The following DGKB variants were observed in gnomAD, a reference collection of about 807,000 sequenced individuals.
DGKB encodes the protein 90 kDa diacylglycerol kinase.
Under a neutral mutation model 114.3 loss-of-function variants are expected in DGKB, and 67 were observed. That is an observed-to-expected ratio of 0.59 (90% CI 0.48 to 0.72). The LOEUF (loss-of-function observed/expected upper bound fraction) is 0.72, where lower values mean the gene tolerates loss of function less well. Ranked by LOEUF, DGKB falls within the 30% of genes least tolerant of loss-of-function variation. The probability of loss-of-function intolerance (pLI) is 0.00; values close to 1 mark genes in which losing one functional copy is unlikely to be tolerated. For missense variants in DGKB, 907 were observed against 975.2 expected (o/e 0.93, Z 0.93); for synonymous variants, 398 against 323.1 (o/e 1.23, Z -2.49).
At chr7:14,524,933 G>GA (rs1321361741) in intron 20 of DGKB, among the ~76,000 whole-genome samples, 1 of 151,680 alleles carries the variant, frequency 6.6e-6, no homozygotes, top group Non-Finnish European at 1.5e-5. Flanking sequence ...ATATTTGTAG[G>GA]AAAAATGGCC....
chr7:14,824,436 G>A (rs1845380841), intron 2 of DGKB, among the ~76,000 whole-genome samples: 1 of 152,144 alleles, frequency 6.6e-6, no homozygotes, highest in Non-Finnish European at 1.5e-5. Flanking sequence ...ATAGAAATAA[G>A]TGAGAAGACA....
chr7:14,952,149 A>G (rs1786237015), intron 1 of DGKB, among the ~76,000 whole-genome samples: 1 of 152,090 alleles, frequency 6.6e-6, no homozygotes, highest in Non-Finnish European at 1.5e-5. Flanking sequence ...TGCTATGTGA[A>G]GAATGGAGTT....
chr7:14,207,722 T>C (rs1787062729), intron 23 of DGKB, among the ~76,000 whole-genome samples: 1 of 152,050 alleles, frequency 6.6e-6, no homozygotes, highest in Non-Finnish European at 1.5e-5. Flanking sequence ...AAAATAAAAC[T>C]GTTTTTTCAT....
chr7:14,565,631 G>A (rs893973330), intron 20 of DGKB, among the ~76,000 whole-genome samples: 2 of 152,094 alleles, frequency 1.3e-5, no homozygotes, highest in African/African-American at 4.8e-5. Context: ...AGACCACCTA[G>A]TTGTTAAACT....
chr7:14,459,901 T>G (rs781561944), intron 21 of DGKB, among the ~76,000 whole-genome samples: 5 of 152,118 alleles, frequency 3.3e-5, no homozygotes, highest in Admixed American at 6.6e-5. Flanking sequence ...CAGATCTCTC[T>G]GCAGAAACCC....
At chr7:14,782,552 C>T (rs1303328530) in intron 2 of DGKB, among the ~76,000 whole-genome samples, 1 of 151,986 alleles carries the variant, frequency 6.6e-6, no homozygotes, top group Non-Finnish European at 1.5e-5. Context: ...GAAATATTAA[C>T]TTCTTGGAAA....
At chr7:14,739,767 A>G (rs1012479701) in intron 4 of DGKB, among the ~76,000 whole-genome samples, 1 of 152,178 alleles carries the variant, frequency 6.6e-6, no homozygotes, top group African/African-American at 2.4e-5. Flanking sequence ...TGGGTTTGGG[A>G]ATGTCGGCCT....
intron 2 of DGKB, among the ~76,000 whole-genome samples, chr7:14,795,294 G>C (rs928257404): frequency 6.6e-6 from 1 of 152,194 alleles, no homozygotes; most frequent in Admixed American, 6.5e-5. Context: ...GTTGCAGCTT[G>C]TGGAGTTTGA....
intron 21 of DGKB, among the ~76,000 whole-genome samples, chr7:14,358,699 A>G (rs962749738): frequency 6.6e-6 from 1 of 152,166 alleles, no homozygotes; most frequent in Admixed American, 6.5e-5. Context: ...ACTCCCATTA[A>G]CAATTGCTAC....
chr7:14,914,629 A>G (rs1784147863), intron 1 of DGKB, among the ~76,000 whole-genome samples: 1 of 152,208 alleles, frequency 6.6e-6, no homozygotes, highest in African/African-American at 2.4e-5. Context: ...AGAAGCAAGA[A>G]AAAAACAAAG....
rs551360712 is a variant in DGKB, at chr7:14,458,422, G to C, written c.1835+19739C>G. ...CGGTGGCTGGCAAGATGGCTGAGTA[G>C]GAACAGCTCCTGTCTGCAGCTCCCA... On this transcript the variant is annotated intron_variant, in intron 21 of 25. Transcript: ENST00000402815. Among the ~76,000 whole-genome samples, 7 of 152,266 alleles carry C rather than the reference G, an allele frequency of 4.6e-5. No individual in the cohort carries two copies. The South Asian group carries it at 1.2e-3, about 27-fold the overall frequency.
chr7:14,413,073 T>G (rs1825148709), intron 21 of DGKB, among the ~76,000 whole-genome samples: 2 of 149,924 alleles, frequency 1.3e-5, no homozygotes, highest in African/African-American at 2.5e-5. Flanking sequence ...TAGGATGGAG[T>G]GAAATGGAAT....
chr7:14,382,569 T>C (rs368518133), intron 21 of DGKB, among the ~76,000 whole-genome samples: 3 of 152,186 alleles, frequency 2.0e-5, no homozygotes, highest in East Asian at 3.8e-4. Context: ...TAGACATCTC[T>C]ATTCATAGGT....
chr7:14,924,126 A>G (rs909078677), intron 1 of DGKB, among the ~76,000 whole-genome samples: 4 of 151,390 alleles, frequency 2.6e-5, no homozygotes, highest in African/African-American at 9.7e-5. Context: ...CTAACTGTTT[A>G]GTTTCTTGGT....
In DGKB at chr7:14,263,371, T is replaced by C. The variant is rs1384757479; in HGVS notation, c.2122+75144A>G. 3.9e-5 allele frequency among the ~76,000 whole-genome samples: 6 copies of C among 152,306 alleles called. No individual in the cohort carries two copies. The East Asian group carries it at 1.2e-3, about 29-fold the overall frequency. On this transcript the variant is annotated intron_variant, in intron 23 of 25. Coordinates refer to ENST00000402815, the MANE Select transcript of DGKB (RefSeq NM_001350709.2). The stretch of plus-strand genomic sequence containing the variant: ...GATACATAATGATGAGATGAACCTT[T>C]GCTTTTTAAAACCTATTTATCTCCC...
intron 17 of DGKB, among the ~76,000 whole-genome samples, chr7:14,585,248 A>C (rs916020349): frequency 2.6e-5 from 4 of 152,138 alleles, no homozygotes; most frequent in Admixed American, 6.5e-5. Flanking sequence ...TGCTTATACT[A>C]ATATATATAC....
rs530159147 is a variant in DGKB at position 14,885,243 on chromosome 7, A to AT, written c.-188+17348dup. Among the ~76,000 whole-genome samples the AT allele has an allele frequency of 2.0e-3, 304 of 152,094 alleles. 3 individuals carry two copies. The highest frequency in any genetic ancestry group is 3.7e-4 in the Non-Finnish European group (25 of 67,928). On this transcript the variant is annotated intron_variant, in intron 1 of 25. Transcript: ENST00000402815. ...ACACTGCAATCACTTATTCTCAAAT[A>AT]TTGTATAACTATGGGCACTACACAA... is the stretch of plus-strand genomic sequence containing the variant.
intron 21 of DGKB, among the ~76,000 whole-genome samples, chr7:14,453,855 G>A (rs1374453870): frequency 1.3e-5 from 2 of 152,116 alleles, no homozygotes; most frequent in Non-Finnish European, 2.9e-5. Context: ...AGTAAGCAGA[G>A]GGCCAGAACT....
chr7:14,886,009 C>A (rs1248898718), intron 1 of DGKB, among the ~76,000 whole-genome samples: 1 of 151,636 alleles, frequency 6.6e-6, no homozygotes, highest in Non-Finnish European at 1.5e-5. Context: ...AAAATCAAAA[C>A]CCTATACAAG....
Sources: gnomAD v4.1 joint callset for allele counts (sites outside exome capture counted in the v4.1 genomes callset) on GRCh38, gnomAD v4.1.1 for gene constraint, MANE v1.5 for transcripts, NCBI Gene and HGNC (gene_info 2026-07-23, HGNC 2026-07-21) for gene names.